TCF4: variants seen among roughly 807,000 people sequenced by gnomAD.
TCF4 encodes SL3-3 enhancer factor 2.
In TCF4, 3 loss-of-function variants were observed where a neutral mutation model predicts 82.1. The ratio of observed to expected loss-of-function variants is 0.04; its 90% confidence interval spans 0.02 to 0.09. The LOEUF is 0.09. Ranked by LOEUF, TCF4 falls within the 10% of genes least tolerant of loss-of-function variation. The pLI is 1.00. For synonymous variants in TCF4, 276 were observed against 309.6 expected (o/e 0.89, Z 1.14); for missense variants, 518 against 852.7 (o/e 0.61, Z 4.89).
intron 5 of TCF4, among the ~76,000 whole-genome samples, chr18:55,409,216 T>C (rs547351443): frequency 3.3e-5 from 5 of 152,274 alleles, no homozygotes; most frequent in African/African-American, 1.2e-4. Context: ...ATCTATAGAA[T>C]AGTGATCCCA....
intron 3 of TCF4, chr18:55,482,118 G>A (rs2096445911): frequency 6.6e-6 from 1 of 152,188 alleles, no homozygotes; most frequent in African/African-American, 2.4e-5. Flanking sequence ...TACTATATTA[G>A]CAAGGACAAA....
At chr18:55,230,903 G>A (rs2047737133) in intron 17 of TCF4, 1 of 152,198 alleles carries the variant, frequency 6.6e-6, no homozygotes, top group Non-Finnish European at 1.5e-5. Flanking sequence ...AGAACACTTG[G>A]GTGAAGGAGA....
chr18:55,528,457 C>G (rs1229627971), intron 3 of TCF4, among the ~76,000 whole-genome samples: 2 of 152,216 alleles, frequency 1.3e-5, no homozygotes, highest in African/African-American at 4.8e-5. Flanking sequence ...TACTCTTTAA[C>G]TGAACCTTTG....
chr18:55,389,041 G>A (rs1014456927), intron 6 of TCF4, among the ~76,000 whole-genome samples: 1 of 151,806 alleles, frequency 6.6e-6, no homozygotes, highest in African/African-American at 2.4e-5. Context: ...CAGAAGAATG[G>A]CATGAACCCG....
At chr18:55,440,317 A>C (rs1469243127) in intron 5 of TCF4, among the ~76,000 whole-genome samples, 1 of 152,072 alleles carries the variant, frequency 6.6e-6, no homozygotes, top group Non-Finnish European at 1.5e-5. Context: ...TCACTTCTTG[A>C]AGATTTTTAG....
At chr18:55,575,372 T>C (rs1258767660) in intron 3 of TCF4, among the ~76,000 whole-genome samples, 2 of 152,160 alleles carry the variant, frequency 1.3e-5, no homozygotes, top group African/African-American at 2.4e-5. Context: ...AACTTACAAA[T>C]TGGGTTATGT....
intron 3 of TCF4, among the ~76,000 whole-genome samples, chr18:55,477,548 C>T (rs999739003): frequency 3.9e-5 from 6 of 152,198 alleles, no homozygotes; most frequent in Non-Finnish European, 8.8e-5. Context: ...CTCTGTGTGT[C>T]CTTTTTCACA....
At chr18:55,379,350 C>T (rs1276525790) in intron 6 of TCF4, among the ~76,000 whole-genome samples, 1 of 152,174 alleles carries the variant, frequency 6.6e-6, no homozygotes, top group Non-Finnish European at 1.5e-5. Context: ...AATGTGCCTG[C>T]ACAGATGAAT....
chr18:55,559,913 G>A (rs1335371910), intron 3 of TCF4, among the ~76,000 whole-genome samples: 2 of 152,134 alleles, frequency 1.3e-5, no homozygotes, highest in Admixed American at 6.6e-5. Context: ...GCCCAGCGCA[G>A]GGGGTGGGGA....
rs976724344 is a variant in TCF4, at chr18:55,254,789, A to G, written c.1147-89T>C. ...TAAAATTTTAGTCGACAAAAAACAC[A>G]CTGTGTTTCTAAATACATGTTTCCA... On this transcript the variant is annotated intron_variant, in intron 14 of 19. Transcript: ENST00000354452. The G allele has an allele frequency of 3.5e-6, 4 of 1,153,066 alleles. No individual in the cohort carries two copies. The African/African-American group carries it at 4.6e-5, about 13-fold the overall frequency. The allele number at this position is 1,153,066 out of a possible 1,614,324, so 71.4% of individuals were successfully genotyped here.
At chr18:55,622,243 C>T (rs557350631) in intron 2 of TCF4, among the ~76,000 whole-genome samples, 76 of 150,298 alleles carry the variant, frequency 5.1e-4, no homozygotes, top group East Asian at 3.9e-3. Flanking sequence ...GAGTGGTGGA[C>T]CATGCCTGTA....
At chr18:55,237,113 A>G (rs1194442747) in intron 15 of TCF4, among the ~76,000 whole-genome samples, 1 of 152,220 alleles carries the variant, frequency 6.6e-6, no homozygotes, top group Non-Finnish European at 1.5e-5. Context: ...CTGGTATGTA[A>G]TAGGTACATA....
intron 5 of TCF4, among the ~76,000 whole-genome samples, chr18:55,412,052 C>T (rs1240480099): frequency 1.3e-5 from 2 of 151,900 alleles, no homozygotes; most frequent in Non-Finnish European, 2.9e-5. Context: ...ATTTTTTTTT[C>T]TTGCAAATAA....
At chr18:55,401,951 C>A in intron 6 of TCF4, 1 of 912,520 alleles carries the variant, frequency 1.1e-6, no homozygotes, top group African/African-American at 1.8e-5. Flanking sequence ...AGAAACCAGA[C>A]CCACAGGAAC....
intron 5 of TCF4, among the ~76,000 whole-genome samples, chr18:55,419,842 G>A (rs2094664099): frequency 6.6e-6 from 1 of 152,192 alleles, no homozygotes; most frequent in African/African-American, 2.4e-5. Flanking sequence ...GGGAATACTG[G>A]CAGGAACACT....
At chr18:55,302,786 C>T (rs1266471869) in intron 8 of TCF4, among the ~76,000 whole-genome samples, 1 of 152,176 alleles carries the variant, frequency 6.6e-6, no homozygotes, top group Admixed American at 6.5e-5. Context: ...CATCTGGAGC[C>T]CGTTTAGCAG....
At chr18:55,444,224 C>T (rs773219548) in intron 5 of TCF4, among the ~76,000 whole-genome samples, 6 of 152,170 alleles carry the variant, frequency 3.9e-5, no homozygotes, top group Non-Finnish European at 5.9e-5. Context: ...GTTAAAAACA[C>T]TTAATGATTT....
intron 15 of TCF4, among the ~76,000 whole-genome samples, chr18:55,235,810 TA>T (rs1156875796): frequency 7.6e-6 from 1 of 131,344 alleles, no homozygotes; most frequent in African/African-American, 2.7e-5. Context: ...GAATCAGGTT[TA>T]TTTTTTTTTC....
At chr18:55,572,690 G>A (rs181455770) in intron 3 of TCF4, among the ~76,000 whole-genome samples, 2 of 152,286 alleles carry the variant, frequency 1.3e-5, no homozygotes, top group East Asian at 3.9e-4. Context: ...GGCAGGAGAA[G>A]TGAATTCAAT....
Sources: gnomAD v4.1 joint callset for allele counts (sites outside exome capture counted in the v4.1 genomes callset) on GRCh38, gnomAD v4.1.1 for gene constraint, MANE v1.5 for transcripts, NCBI Gene and HGNC (gene_info 2026-07-23, HGNC 2026-07-21) for gene names.